Variants in MYH13 observed in about 807,000 individuals in gnomAD.
MYH13 encodes the protein myosin heavy chain 13.
In MYH13, 177 loss-of-function variants were observed where a neutral mutation model predicts 232.1. That is an observed-to-expected ratio of 0.76 (90% CI 0.67 to 0.86). MYH13 has a LOEUF of 0.86. Ranked by LOEUF, MYH13 falls within the 40% of genes least tolerant of loss-of-function variation. The pLI is 0.00. For synonymous variants in MYH13, 884 were observed against 923.5 expected (o/e 0.96, Z 0.78); for missense variants, 2,246 against 2,405.9 (o/e 0.93, Z 1.39).
intron 11 of MYH13, among the ~76,000 whole-genome samples, chr17:10,351,622 A>T (rs10521166): frequency 0.22 from 32,775 of 152,074 alleles, 4,100 homozygotes; most frequent in Non-Finnish European, 0.28. Flanking sequence ...TGGATGAAGA[A>T]TTGAGGGTCT....
intron 18 of MYH13, among the ~76,000 whole-genome samples, chr17:10,334,084 G>A (rs1050208962): frequency 6.6e-5 from 10 of 152,280 alleles, no homozygotes; most frequent in African/African-American, 1.2e-4. Flanking sequence ...GTGGGTGCTC[G>A]TGGTAACCAG....
intron 39 of MYH13, among the ~76,000 whole-genome samples, chr17:10,302,227 A>G (rs934946155): frequency 5.3e-5 from 8 of 152,136 alleles, no homozygotes; most frequent in African/African-American, 1.9e-4. Context: ...ATATTGAACC[A>G]GTTCAAATCT....
intron 2 of MYH13, among the ~76,000 whole-genome samples, chr17:10,370,036 C>T (rs1410961443): frequency 6.6e-6 from 1 of 152,196 alleles, no homozygotes; most frequent in Admixed American, 6.5e-5. Flanking sequence ...CTATGATGTG[C>T]TTTTGAATCC....
rs958825724 is a variant in MYH13 at position 10,322,638 on chromosome 17, T to G, written c.2935-930A>C. Among the ~76,000 whole-genome samples, 284 of 146,826 alleles carry G rather than the reference T, an allele frequency of 1.9e-3. 1 individual carries two copies. Among genetic ancestry groups the G allele is most frequent in the African/African-American group, 6.8e-3 (274 of 40,024 alleles). ...TTTACAATGTTACAGTTGTTTTTTT[T>G]TTTTTTTTTTTTTGAGAGGGAGTCT... On this transcript the variant is annotated intron_variant, in intron 23 of 40. Transcript: ENST00000252172.
chr17:10,351,216 ATCT>A (rs1244860312), intron 11 of MYH13, among the ~76,000 whole-genome samples: 8 of 148,148 alleles, frequency 5.4e-5, no homozygotes, highest in Non-Finnish European at 1.2e-4. Context: ...GTGAGACTCC[ATCT>A]CAAAAAAAAA....
rs756659634 is a variant in MYH13, at chr17:10,323,764, CAAAAAAAAA to C, written c.2934+249_2934+257del. ...GGCAACAGAGCAAGACTCCATCTCACAAAAAAAAAAAAAAAAAAAAAAAAAGAAGAAGAA... is the reference window on the plus strand; with the variant it reads ...GGCAACAGAGCAAGACTCCATCTCACAAAAAAAAAAAAAAAAGAAGAAGAA... On this transcript the variant is annotated intron_variant, in intron 23 of 40. Coordinates refer to ENST00000252172, the MANE Select transcript of MYH13 (RefSeq NM_003802.3). 6.8e-3 allele frequency among the ~76,000 whole-genome samples: 617 copies of C among 90,132 alleles called. 1 individual carries two copies. The highest frequency in any genetic ancestry group is 9.9e-3 in the African/African-American group (210 of 21,208). The allele number at this position is 90,132 out of a possible 152,430, so 59.1% of individuals were successfully genotyped here.
At chr17:10,350,825 G>T in intron 11 of MYH13, 131 bp from the exon 12 acceptor site, 1 of 1,163,802 alleles carries the variant, frequency 8.6e-7, no homozygotes, top group Non-Finnish European at 1.3e-6. Flanking sequence ...TGGATGACAG[G>T]TGGGGATGTG....
At chr17:10,318,169 G>T (rs1282876463) in intron 27 of MYH13, among the ~76,000 whole-genome samples, 3 of 152,212 alleles carry the variant, frequency 2.0e-5, no homozygotes, top group Non-Finnish European at 4.4e-5. Flanking sequence ...TTGAACCTGG[G>T]AGGTAGAGGT....
chr17:10,320,954 T>C (rs1401129766), intron 24 of MYH13, among the ~76,000 whole-genome samples: 1 of 152,078 alleles, frequency 6.6e-6, no homozygotes, highest in African/African-American at 2.4e-5. Flanking sequence ...CATGCATACA[T>C]AGGAACAGGA....
At chr17:10,358,996 G>C (rs1442641782) in intron 7 of MYH13, among the ~76,000 whole-genome samples, 1 of 152,220 alleles carries the variant, frequency 6.6e-6, no homozygotes, top group Non-Finnish European at 1.5e-5. Context: ...AGTCCATTCT[G>C]GTGGAACCAC....
chr17:10,346,838 A>C, intron 12 of MYH13, 40 bp from the exon 13 acceptor site: 11 of 1,473,868 alleles, frequency 7.5e-6, no homozygotes, highest in Non-Finnish European at 9.5e-6. Flanking sequence ...CAAAAACAGT[A>C]GCTGCTAAAG....
rs760402984 is a variant in MYH13 at position 10,312,750 on chromosome 17, G to GT, written c.4188dup (p.Leu1397ThrfsTer74). 8 of 1,604,294 alleles carry GT rather than the reference G, an allele frequency of 5.0e-6. No individual in the cohort carries two copies. The East Asian group carries it at 6.7e-5, about 13-fold the overall frequency. On this transcript the variant is annotated frameshift_variant, in exon 31 of 41. Coordinates refer to ENST00000252172, the MANE Select transcript of MYH13 (RefSeq NM_003802.3). LOFTEE classifies it high-confidence loss of function. Reference sequence around the variant, plus strand: ...TCTGCTTCCTGGAGCCTCTGGGCCAGTTTTTTCCTACGAAAACCAGATTTT... The same window carrying GT: ...TCTGCTTCCTGGAGCCTCTGGGCCAGTTTTTTTCCTACGAAAACCAGATTTT...
intron 21 of MYH13, among the ~76,000 whole-genome samples, 181 bp downstream of exon 21, chr17:10,330,206 A>T (rs1250831216): frequency 6.6e-6 from 1 of 151,976 alleles, no homozygotes; most frequent in Non-Finnish European, 1.5e-5. Context: ...GGGAGGGTTC[A>T]TTTCTGTCTC....
rs1028675917 is a variant in MYH13 at position 10,304,997 on chromosome 17, C to A, written c.5466+1462G>T. ...CTCTGGGCTTGGAGACTCACTAGAT[C>A]AGCCTTGAAAACTACTAATCGGACA... On this transcript the variant is annotated intron_variant, in intron 37 of 40. Transcript: ENST00000252172. This position sits in a 1 kb window ranked among gnomAD's most constrained non-coding sequence, Gnocchi z 5.3. Among the ~76,000 whole-genome samples the A allele has an allele frequency of 4.6e-5, 7 of 152,214 alleles. No individual in the cohort carries two copies. The highest frequency in any genetic ancestry group is 1.4e-4 in the African/African-American group (6 of 41,458).
Position 10,303,401 on chromosome 17 carries a change from G to A in MYH13, c.5564C>T (p.Thr1855Ile). The A allele has an allele frequency of 1.2e-6, 2 of 1,613,922 alleles. No individual in the cohort carries two copies. Among genetic ancestry groups the A allele is most frequent in the Non-Finnish European group, 1.7e-6 (2 of 1,179,834 alleles). The change falls in exon 38 of 41, where the codon ACT (threonine) becomes ATT (isoleucine). Residue 1855 changes from threonine to isoleucine, a missense_variant. By Grantham distance (89) the Thr-to-Ile change is moderately conservative (BLOSUM62 -1). Coordinates refer to ENST00000252172, the MANE Select transcript of MYH13 (RefSeq NM_003802.3). ...GGTTTTTGGGACCCCTACCTGGTAAGTCATCTCCTTGACTTTGCGTTCGTA... is the reference window on the plus strand; with the variant it reads ...GGTTTTTGGGACCCCTACCTGGTAAATCATCTCCTTGACTTTGCGTTCGTA... ...HKYERKVKEM[T>I]YQAEEDHKNI...
At position 10,357,766 on chromosome 17, in the gene MYH13, T is replaced by G. The variant is rs959635659; in HGVS notation, c.707A>C (p.Lys236Thr). The G allele has an allele frequency of 1.2e-6, 2 of 1,614,102 alleles. No individual in the cohort carries two copies. The highest frequency in any genetic ancestry group is 1.7e-6 in the Non-Finnish European group (2 of 1,179,980). The stretch of plus-strand genomic sequence containing the variant: ...TGAGGAGTTGTCATTCCTCACAGTC[T>G]TGGCATTTCCAAAGGCCTCCAGCAG... ...NPLLEAFGNAKTVRNDNSSRF... is the reference protein window; with the variant it reads ...NPLLEAFGNATTVRNDNSSRF... The change falls in exon 8 of 41, where the codon AAG becomes ACG. Residue 236 changes from lysine to threonine, a missense_variant. By Grantham distance (78) the Lys-to-Thr change is moderately conservative. Transcript: ENST00000252172.
chr17:10,326,210 C>T (rs1290693841), intron 22 of MYH13, among the ~76,000 whole-genome samples: 2 of 152,198 alleles, frequency 1.3e-5, no homozygotes, highest in Non-Finnish European at 2.9e-5. Flanking sequence ...CAAGGTCACA[C>T]AGCTATCAGG....
intron 22 of MYH13, among the ~76,000 whole-genome samples, chr17:10,326,368 T>TA (rs2142240363): frequency 6.6e-6 from 1 of 152,346 alleles, no homozygotes; most frequent in African/African-American, 2.4e-5. Flanking sequence ...AAACAAAAGG[T>TA]AAAAGTATTT....
chr17:10,316,235 T>A (rs1597887363), intron 27 of MYH13, among the ~76,000 whole-genome samples: 2 of 152,034 alleles, frequency 1.3e-5, no homozygotes, highest in African/African-American at 4.8e-5. Flanking sequence ...CCGAGGAGGG[T>A]GGATCACCTG....
Sources: gnomAD v4.1 joint callset for allele counts (sites outside exome capture counted in the v4.1 genomes callset) on GRCh38, gnomAD v4.1.1 for gene constraint, Gnocchi (gnomAD v3.1) non-coding constraint, MANE v1.5 for transcripts, NCBI Gene and HGNC (gene_info 2026-07-23, HGNC 2026-07-21) for gene names.